The following CPED1 variants were observed in gnomAD, a reference collection of about 807,000 sequenced individuals.
CPED1 encodes cadherin like and PC-esterase domain containing 1.
A neutral mutation model predicts 128.2 loss-of-function variants in CPED1; 114 were observed. The ratio of observed to expected loss-of-function variants is 0.89; its 90% CI spans 0.76 to 1.04. CPED1 has a LOEUF of 1.04. CPED1 is among the 50% of genes least tolerant of loss of function. CPED1 has a pLI of 0.00. For synonymous variants in CPED1, 462 were observed against 426.7 expected (o/e 1.08, Z -1.02); for missense variants, 1,211 against 1,207.1 (o/e 1.00, Z -0.05).
intron 2 of CPED1, among the ~76,000 whole-genome samples, chr7:120,996,329 G>A (rs1160639323): frequency 5.3e-5 from 8 of 151,106 alleles, no homozygotes; most frequent in African/African-American, 2.0e-4. Context: ...TTTAATAGAG[G>A]TAAAAAAACC....
At chr7:121,020,387 G>A (rs1049937100) in intron 3 of CPED1, among the ~76,000 whole-genome samples, 3 of 151,888 alleles carry the variant, frequency 2.0e-5, no homozygotes, top group African/African-American at 7.2e-5. Flanking sequence ...CTTTTGTATT[G>A]CCTTTGGCAG....
At chr7:121,261,965 G>A in intron 18 of CPED1, 1 of 418,840 alleles carries the variant, frequency 2.4e-6, no homozygotes, top group Non-Finnish European at 4.3e-6. Context: ...ATGTTGAAAT[G>A]TGATCCCCAA....
intron 18 of CPED1, among the ~76,000 whole-genome samples, chr7:121,248,051 C>T (rs142932940): frequency 6.6e-6 from 1 of 152,282 alleles, no homozygotes; most frequent in Non-Finnish European, 1.5e-5. Context: ...CTTTAGATCC[C>T]CTAGCGCACC....
At chr7:121,065,154 A>G (rs1793795387) in intron 5 of CPED1, among the ~76,000 whole-genome samples, 1 of 152,122 alleles carries the variant, frequency 6.6e-6, no homozygotes, top group Non-Finnish European at 1.5e-5. Context: ...TCCCACTCCA[A>G]ACGTAAACCA....
intron 22 of CPED1, among the ~76,000 whole-genome samples, chr7:121,285,659 C>A (rs1237692864): frequency 1.3e-5 from 2 of 152,208 alleles, no homozygotes; most frequent in East Asian, 1.9e-4. Context: ...TAGTTCCCAA[C>A]AAGTTCCTCA....
chr7:121,170,763 A>G (rs1796634727), intron 16 of CPED1, among the ~76,000 whole-genome samples: 1 of 152,166 alleles, frequency 6.6e-6, no homozygotes, highest in African/African-American at 2.4e-5. Context: ...TTAAAATTCA[A>G]AAGGAGGCCA....
intron 2 of CPED1, among the ~76,000 whole-genome samples, chr7:121,008,062 T>G (rs531570468): frequency 6.6e-6 from 1 of 152,222 alleles, no homozygotes; most frequent in East Asian, 1.9e-4. Flanking sequence ...TAGAAAATAC[T>G]GCGATTCAGG....
intron 21 of CPED1, among the ~76,000 whole-genome samples, chr7:121,270,195 C>T (rs1321476495): frequency 3.9e-5 from 6 of 152,022 alleles, no homozygotes; most frequent in Non-Finnish European, 8.8e-5. Flanking sequence ...ATATTCAAAT[C>T]ATATATCTTC....
intron 17 of CPED1, among the ~76,000 whole-genome samples, chr7:121,238,421 T>C (rs1798310027): frequency 6.6e-6 from 1 of 152,178 alleles, no homozygotes; most frequent in Non-Finnish European, 1.5e-5. Context: ...TCCCTGTACC[T>C]ACAAGTCCTC....
intron 16 of CPED1, among the ~76,000 whole-genome samples, chr7:121,196,076 A>C (rs1310391376): frequency 6.6e-6 from 1 of 152,088 alleles, no homozygotes; most frequent in Non-Finnish European, 1.5e-5. Context: ...GTAGCGCCTC[A>C]GGGTGGAATA....
chr7:121,294,090 T>C (rs1792770974), intron 22 of CPED1, among the ~76,000 whole-genome samples: 1 of 152,078 alleles, frequency 6.6e-6, no homozygotes, highest in Non-Finnish European at 1.5e-5. Context: ...CTCCTTTTGT[T>C]CTCTAGAGCT....
chr7:121,170,578 A>G (rs1033480248), intron 16 of CPED1, among the ~76,000 whole-genome samples: 4 of 152,202 alleles, frequency 2.6e-5, no homozygotes, highest in Non-Finnish European at 4.4e-5. Flanking sequence ...TTATTAGTAC[A>G]TACCAGCTAC....
rs1286505445 is a variant in CPED1 at position 121,244,302 on chromosome 7, T to C, written c.2274T>C (p.Thr758=). The change falls in exon 18 of 23, where the codon ACT becomes ACC. Residue 758 remains threonine, a synonymous_variant. Transcript: ENST00000310396. Reference sequence around the variant, plus strand: ...ACAACTGCCAATATGGTGTCCTAACTAAGCCTCAACTCCAGCAGTGCCTGG... The same window carrying C: ...ACAACTGCCAATATGGTGTCCTAACCAAGCCTCAACTCCAGCAGTGCCTGG... The part of the protein sequence containing the change: ...QPHNCQYGVL[T]KPQLQQCLGG... The C allele has an allele frequency of 1.9e-6, 3 of 1,614,098 alleles. No homozygotes were observed. The Admixed American group carries it at 5.0e-5, about 27-fold the overall frequency.
rs539338283 is a variant in CPED1 at position 121,059,635 on chromosome 7, T to C, written c.541-4603T>C. Among the ~76,000 whole-genome samples the C allele has an allele frequency of 8.5e-5, 13 of 152,310 alleles. No individual in the cohort carries two copies. In the South Asian group the frequency reaches 2.5e-3, roughly 29 times the overall value. On this transcript the variant is annotated intron_variant, in intron 4 of 22. Coordinates refer to ENST00000310396, the MANE Select transcript of CPED1 (RefSeq NM_024913.5). ...GCTTCCTAATAAATTCATAATATTA[T>C]TGTAGTTTTAGTTTTTTAATTTATA...
At chr7:121,242,905 T>C (rs1433556751) in intron 17 of CPED1, among the ~76,000 whole-genome samples, 1 of 152,122 alleles carries the variant, frequency 6.6e-6, no homozygotes, top group Non-Finnish European at 1.5e-5. Flanking sequence ...CCATAAACTA[T>C]ATCATCTTTC....
At chr7:121,003,581 G>T (rs1000097692) in intron 2 of CPED1, among the ~76,000 whole-genome samples, 3 of 152,136 alleles carry the variant, frequency 2.0e-5, no homozygotes, top group African/African-American at 7.2e-5. Context: ...AAACATTCTA[G>T]AATGAATATG....
At chr7:121,030,580 C>T (rs1792704331) in intron 3 of CPED1, among the ~76,000 whole-genome samples, 1 of 152,172 alleles carries the variant, frequency 6.6e-6, no homozygotes, top group Non-Finnish European at 1.5e-5. Flanking sequence ...GATCGACTTT[C>T]GTCTCAGTGC....
intron 18 of CPED1, among the ~76,000 whole-genome samples, chr7:121,248,579 C>T (rs573152903): frequency 7.5e-6 from 1 of 133,850 alleles, no homozygotes; most frequent in Non-Finnish European, 1.6e-5. Context: ...GCTAATATAG[C>T]AGCACCCTGT....
chr7:121,179,709 C>G (rs953235161), intron 16 of CPED1, among the ~76,000 whole-genome samples: 2 of 151,982 alleles, frequency 1.3e-5, no homozygotes, highest in Non-Finnish European at 2.9e-5. Context: ...CCCAACATAA[C>G]AGTTTATAGT....
Sources: gnomAD v4.1 joint callset for allele counts (sites outside exome capture counted in the v4.1 genomes callset) on GRCh38, gnomAD v4.1.1 for gene constraint, MANE v1.5 for transcripts, NCBI Gene and HGNC (gene_info 2026-07-23, HGNC 2026-07-21) for gene names.